SLC35E1: variants seen among roughly 807,000 people sequenced by gnomAD.
SLC35E1 encodes solute carrier family 35, member E1.
Under a neutral mutation model 31.0 loss-of-function variants are expected in SLC35E1, and 12 were observed. That is an observed-to-expected ratio of 0.39 (90% CI 0.25 to 0.63). SLC35E1 has a LOEUF of 0.63. SLC35E1 is among the 20% of genes least tolerant of loss of function. The pLI is 0.52. For synonymous variants in SLC35E1, 257 were observed against 264.1 expected, an observed-to-expected ratio of 0.97 and a Z score of 0.26; for missense variants, 429 against 572.2, an observed-to-expected ratio of 0.75 and a Z score of 2.55.
intron 2 of SLC35E1, among the ~76,000 whole-genome samples, chr19:16,570,234 C>T (rs2085950849): frequency 6.6e-6 from 1 of 152,192 alleles, no homozygotes; most frequent in African/African-American, 2.4e-5. Flanking sequence ...AGCTACACAC[C>T]TCAGGGACAA....
chr19:16,560,665 C>T (rs1192216208), intron 4 of SLC35E1, among the ~76,000 whole-genome samples: 2 of 151,986 alleles, frequency 1.3e-5, no homozygotes, highest in Non-Finnish European at 2.9e-5. Flanking sequence ...AGTTCGAGAC[C>T]AGCCTGGCCA....
Position 16,555,389 on chromosome 19 carries a change from G to A in SLC35E1, c.765C>T (p.Val255=). 1.9e-6 allele frequency: 3 copies of A among 1,613,690 alleles called. No individual in the cohort carries two copies. The highest frequency in any genetic ancestry group is 2.5e-6 in the Non-Finnish European group (3 of 1,180,036). ...AFLVSSDLTY[V]YQWPWTLLLL... Reference sequence around the variant, plus strand: ...GCAGGAGCGTCCAGGGCCACTGGTAGACGTAGGTCTGCAGAGACCGGAAGG... The same window carrying A: ...GCAGGAGCGTCCAGGGCCACTGGTAAACGTAGGTCTGCAGAGACCGGAAGG... The change falls in exon 5 of 6, where the codon GTC becomes GTT. Residue 255 remains valine, a synonymous_variant. Transcript: ENST00000595753. This position sits in a 1 kb window ranked among gnomAD's most constrained non-coding sequence, Gnocchi z 4.1.
At chr19:16,560,562 GA>G (rs1382245273) in intron 4 of SLC35E1, among the ~76,000 whole-genome samples, 1 of 152,040 alleles carries the variant, frequency 6.6e-6, no homozygotes, top group Non-Finnish European at 1.5e-5. Context: ...AAAGAAAATA[GA>G]AAAAAACCTA....
In SLC35E1 at chr19:16,555,536, A is replaced by G. The variant is rs73514949; in HGVS notation, c.757-139T>C. 16,396 of 1,188,984 alleles carry G rather than the reference A, an allele frequency of 0.014. 703 individuals carry two copies. The highest frequency in any genetic ancestry group is 0.13 in the Admixed American group (4,984 of 38,308). 73.7% of individuals were successfully genotyped at this position (1,188,984 alleles called of 1,614,324 possible). On this transcript the variant is annotated intron_variant, in intron 4 of 5. Transcript: ENST00000595753. The surrounding 1 kb of genome is among the most constrained non-coding windows in gnomAD (Gnocchi z 4.1). The stretch of plus-strand genomic sequence containing the variant: ...CATGGTCCACAGGCAGCCAGTCCAG[A>G]TGTGTCACCAAGAGACACTAGGTGC...
chr19:16,558,696 T>C (rs2085889046), intron 4 of SLC35E1, among the ~76,000 whole-genome samples: 1 of 152,140 alleles, frequency 6.6e-6, no homozygotes, highest in African/African-American at 2.4e-5. Context: ...CTGGATAATG[T>C]AGACTGATTT....
Position 16,551,630 on chromosome 19 carries a change from A to T in SLC35E1, c.*2049T>A, listed in dbSNP as rs1220655581. ...AAGCCAAGCCGTGGTCCCCTCCGTG[A>T]GGGCACGGTCCTTTCATGAAGCCGT... On this transcript the variant is annotated 3_prime_UTR_variant, in exon 6 of 6. Transcript: ENST00000595753. 6.6e-6 allele frequency: 1 copy of T among 152,008 alleles called. No homozygotes were observed. The highest frequency in any genetic ancestry group is 1.5e-5 in the Non-Finnish European group (1 of 68,002). 9.4% of individuals were successfully genotyped at this position (152,008 alleles called of 1,614,324 possible).
intron 4 of SLC35E1, among the ~76,000 whole-genome samples, chr19:16,561,724 C>G (rs936844113): frequency 6.6e-6 from 1 of 152,208 alleles, no homozygotes; most frequent in Non-Finnish European, 1.5e-5. Context: ...TTCTGGAGAA[C>G]AGGACTGCGA....
intron 4 of SLC35E1, chr19:16,566,093 C>T (rs79095923): frequency 0.1 from 15,352 of 153,168 alleles, 844 homozygotes; most frequent in African/African-American, 0.14. Context: ...TCGCTTGAGC[C>T]CCGGATTGAG....
In SLC35E1 at chr19:16,553,780, C is replaced by T. The variant is rs147350311; in HGVS notation, c.1132G>A (p.Gly378Arg). Residue 378 changes from glycine to arginine, a missense_variant, in exon 6 of 6, where the codon GGG becomes AGG. By Grantham distance (125) the Gly-to-Arg change is moderately radical (BLOSUM62 -2). Coordinates refer to ENST00000595753, the MANE Select transcript of SLC35E1 (RefSeq NM_024881.5). ...TTGTTGCGGCCGTACTGATAGTCCC[C>T]GTGCTGGGGGAAGAGGAGGCCGTTG... ...PHNGLLFPQH[G>R]DYQYGRNNIL... 2.2e-5 allele frequency: 35 copies of T among 1,613,556 alleles called. No homozygotes were observed. The highest frequency in any genetic ancestry group is 1.5e-4 in the Admixed American group (9 of 59,932).
rs1020652829 is a variant in SLC35E1 at position 16,572,104 on chromosome 19, G to C, written c.261C>G (p.Pro87=). Residue 87 remains proline, a synonymous_variant, in exon 1 of 6, where the codon CCC becomes CCG. Coordinates refer to ENST00000595753, the MANE Select transcript of SLC35E1 (RefSeq NM_024881.5). The surrounding 1 kb of genome is among the most constrained non-coding windows in gnomAD (Gnocchi z 4.1). ...LRAWRVPPAP[P]VSGPGPSPHP... is the part of the protein sequence containing the mutation. ...GCGGACTGGGTCCGGGGCCCGAGAC[G>C]GGCGGCGCGGGGGGCACGCGCCAGG... 80 of 1,513,358 alleles carry C rather than the reference G, an allele frequency of 5.3e-5. No individual in the cohort carries two copies. Among genetic ancestry groups the C allele is most frequent in the Non-Finnish European group, 6.9e-5 (78 of 1,131,726 alleles). 93.7% of individuals were successfully genotyped at this position (1,513,358 alleles called of 1,614,324 possible). A position where few individuals can be genotyped will look rare whatever the true frequency, so the allele number is the denominator to read the frequency against.
chr19:16,570,111 G>A (rs145024698), intron 2 of SLC35E1, among the ~76,000 whole-genome samples: 12 of 152,302 alleles, frequency 7.9e-5, no homozygotes, highest in Middle Eastern at 3.4e-3. Context: ...CTGCCTAACC[G>A]GGCCAATTCC....
At chr19:16,556,180 T>TCCAGC (rs1288688567) in intron 4 of SLC35E1, among the ~76,000 whole-genome samples, 1 of 151,836 alleles carries the variant, frequency 6.6e-6, no homozygotes, top group Non-Finnish European at 1.5e-5. Context: ...ACCACTGCAC[T>TCCAGC]CCAGCCAGGG....
At chr19:16,569,955 G>A (rs1362443462) in intron 2 of SLC35E1, among the ~76,000 whole-genome samples, 14 of 152,184 alleles carry the variant, frequency 9.2e-5, no homozygotes, top group African/African-American at 3.1e-4. Flanking sequence ...CCAGCTTCCC[G>A]AATATCAGGC....
rs1301869397 is a variant in SLC35E1, at chr19:16,551,781, G to T, written c.*1898C>A. 1 of 140,486 alleles carries T rather than the reference G, an allele frequency of 7.1e-6. No individual in the cohort carries two copies. The highest frequency in any genetic ancestry group is 1.5e-5 in the Non-Finnish European group (1 of 65,916). 8.7% of individuals were successfully genotyped at this position (140,486 alleles called of 1,614,324 possible). Reference sequence around the variant, plus strand: ...TTTTTTTTTTTTTTTTTGAGACAGAGTCTCACTCTGTCACCAAGGCTGGAG... The same window carrying T: ...TTTTTTTTTTTTTTTTTGAGACAGATTCTCACTCTGTCACCAAGGCTGGAG... On this transcript the variant is annotated 3_prime_UTR_variant, in exon 6 of 6. Transcript: ENST00000595753.
chr19:16,554,624 T>G (rs2085865384), intron 5 of SLC35E1, among the ~76,000 whole-genome samples: 1 of 152,038 alleles, frequency 6.6e-6, no homozygotes, highest in Middle Eastern at 3.4e-3. Flanking sequence ...AGTTGGAGGC[T>G]GGCCTGGCCA....
rs993383467 is a variant in SLC35E1, at chr19:16,571,379, C to T, written c.492+133G>A. 6 of 861,536 alleles carry T rather than the reference C, an allele frequency of 7.0e-6. No homozygotes were observed. In the Admixed American group the frequency reaches 1.1e-4, roughly 15 times the overall value. 53.4% of individuals were successfully genotyped at this position (861,536 alleles called of 1,614,324 possible). A position where few individuals can be genotyped will look rare whatever the true frequency, so the allele number is the denominator to read the frequency against. On this transcript the variant is annotated intron_variant, in intron 2 of 5. Transcript: ENST00000595753. ...TTGAGTAGTAAAAGGCCACTGGAGA[C>T]CTCTACACTGACTTCCCTATTTGAC...
intron 4 of SLC35E1, among the ~76,000 whole-genome samples, chr19:16,556,205 T>G (rs1186599306): frequency 6.6e-6 from 1 of 151,104 alleles, no homozygotes; most frequent in Non-Finnish European, 1.5e-5. Context: ...AGAGCGAGAC[T>G]CTGTCTCAAA....
At chr19:16,566,698 ATGTGGC>A (rs1450400457) in intron 3 of SLC35E1, 41 bp from the exon 4 acceptor site, 2 of 1,588,358 alleles carry the variant, frequency 1.3e-6, no homozygotes, top group South Asian at 1.1e-5. Flanking sequence ...TTAAAACTAT[ATGTGGC>A]AAAAAGGGCT....
rs768784190 is a variant in SLC35E1 at position 16,555,391 on chromosome 19, C to T, written c.763G>A (p.Val255Ile). 9.9e-6 allele frequency: 16 copies of T among 1,613,422 alleles called. No individual in the cohort carries two copies. The highest frequency in any genetic ancestry group is 4.0e-5 in the African/African-American group (3 of 74,894). The change falls in exon 5 of 6, where the codon GTC (valine) becomes ATC (isoleucine). Residue 255 changes from valine (V) to isoleucine (I), a missense_variant. Val to Ile is a conservative substitution (Grantham distance 29, BLOSUM62 3). Transcript: ENST00000595753. The surrounding 1 kb of genome is among the most constrained non-coding windows in gnomAD (Gnocchi z 4.1). ...AGGAGCGTCCAGGGCCACTGGTAGA[C>T]GTAGGTCTGCAGAGACCGGAAGGTA... ...AFLVSSDLTYVYQWPWTLLLL... is the reference protein window; with the variant it reads ...AFLVSSDLTYIYQWPWTLLLL...
Sources: gnomAD v4.1 joint callset for allele counts (sites outside exome capture counted in the v4.1 genomes callset) on GRCh38, gnomAD v4.1.1 for gene constraint, Gnocchi (gnomAD v3.1) non-coding constraint, MANE v1.5 for transcripts, NCBI Gene and HGNC (gene_info 2026-07-23, HGNC 2026-07-21) for gene names.